The following TRPM2 variants were observed in gnomAD, a reference collection of about 807,000 sequenced individuals.
TRPM2 encodes transient receptor potential cation channel subfamily M member 2.
Under a neutral mutation model 174.0 loss-of-function variants are expected in TRPM2, and 161 were observed. That is an observed-to-expected ratio of 0.93 (90% CI 0.81 to 1.05). TRPM2 has a LOEUF of 1.05. TRPM2 is among the 50% of genes least tolerant of loss of function. TRPM2 has a pLI of 0.00. For missense variants in TRPM2, 2,057 were observed against 2,038.0 expected (o/e 1.01, Z -0.18); for synonymous variants, 954 against 861.3 (o/e 1.11, Z -1.88).
At chr21:44,425,329 A>AC in intron 24 of TRPM2, 1 of 403,160 alleles carries the variant, frequency 2.5e-6, no homozygotes, top group Admixed American at 4.1e-5. Context: ...TATGAAATGC[A>AC]CATCAGTAGC....
rs373892683 is a variant in TRPM2, at chr21:44,379,761, CA to C, written c.1215+565del. On this transcript the variant is annotated intron_variant, in intron 8 of 31. Coordinates refer to ENST00000397928, the MANE Select transcript of TRPM2 (RefSeq NM_003307.4). ...CTGGCCACCCCACCAAGCCCTTGACCAGGGGGGTGGGCTCCAGTGGAGAGCC... is the reference window on the plus strand; with the variant it reads ...CTGGCCACCCCACCAAGCCCTTGACCGGGGGGTGGGCTCCAGTGGAGAGCC... Among the ~76,000 whole-genome samples, 330 of 152,346 alleles carry C rather than the reference CA, an allele frequency of 2.2e-3. 1 individual carries two copies. Among genetic ancestry groups the C allele is most frequent in the African/African-American group, 7.8e-3 (324 of 41,576 alleles).
chr21:44,440,059 G>A (rs918737446), intron 30 of TRPM2, among the ~76,000 whole-genome samples: 4 of 151,318 alleles, frequency 2.6e-5, no homozygotes, highest in Admixed American at 6.6e-5. Context: ...TACACGGGCC[G>A]GGTGCGCTGG....
intron 2 of TRPM2, among the ~76,000 whole-genome samples, chr21:44,357,380 C>T (rs1488337960): frequency 6.6e-6 from 1 of 152,186 alleles, no homozygotes; most frequent in Non-Finnish European, 1.5e-5. Context: ...TGGAGGTCCC[C>T]AAAGCCATCC....
In TRPM2 at chr21:44,440,880, A is replaced by T. The variant is rs749837500; in HGVS notation, c.4361A>T (p.Asp1454Val). The change falls in exon 31 of 32, where the codon GAC (aspartate) becomes GTC (valine). Residue 1454 changes from aspartate to valine, a missense_variant. Transcript: ENST00000397928. ...AGCGTCCACTTCCAGGACCAGAATG[A>T]CGTGGAGCTGAACAGGCTGAACTCT... ...AVSVHFQDQN[D>V]VELNRLNSNL... 2.5e-6 allele frequency: 4 copies of T among 1,613,864 alleles called. No individual in the cohort carries two copies. Among genetic ancestry groups the T allele is most frequent in the African/African-American group, 1.3e-5 (1 of 75,052 alleles).
At chr21:44,381,190 C>G (rs60578912) in intron 8 of TRPM2, among the ~76,000 whole-genome samples, 5,862 of 151,896 alleles carry the variant, frequency 0.039, 336 homozygotes, top group African/African-American at 0.12. Context: ...GGCCAGGCTG[C>G]GGACGAGGAG....
Position 44,439,725 on chromosome 21 carries a change from T to A in TRPM2, c.4269+557T>A, listed in dbSNP as rs879425027. 2.4e-4 allele frequency among the ~76,000 whole-genome samples: 36 copies of A among 152,160 alleles called. No individual in the cohort carries two copies. Among genetic ancestry groups the A allele is most frequent in the Non-Finnish European group, 2.9e-4 (20 of 68,032 alleles). ...CACAAATGCATGCACACTTTTTTTT[T>A]AATTTTTATTTTTGGAAACAAGGTC... On this transcript the variant is annotated intron_variant, in intron 30 of 31. Coordinates refer to ENST00000397928, the MANE Select transcript of TRPM2 (RefSeq NM_003307.4). This position sits in a 1 kb window ranked among gnomAD's most constrained non-coding sequence, Gnocchi z 5.1.
intron 26 of TRPM2, 28 bp downstream of exon 26, chr21:44,426,764 C>T (rs1264908383): frequency 6.2e-7 from 1 of 1,612,062 alleles, no homozygotes; most frequent in Non-Finnish European, 8.5e-7. Context: ...TCCGTGCTCC[C>T]AGCTGGCCCC....
intron 22 of TRPM2, 130 bp downstream of exon 22, chr21:44,418,685 C>T (rs983875770): frequency 2.5e-6 from 3 of 1,198,234 alleles, no homozygotes; most frequent in Middle Eastern, 2.4e-4. Flanking sequence ...AGCGCTGTAT[C>T]CCGTGGCCCC....
At chr21:44,425,078 G>A in intron 24 of TRPM2, 139 bp downstream of exon 24, 1 of 777,752 alleles carries the variant, frequency 1.3e-6, no homozygotes. Flanking sequence ...TTCCAGGCAG[G>A]GCCAGCGCCC....
chr21:44,383,606 T>C (rs1177801116), intron 9 of TRPM2, among the ~76,000 whole-genome samples: 2 of 152,200 alleles, frequency 1.3e-5, no homozygotes, highest in Non-Finnish European at 2.9e-5. Context: ...AGACTACATA[T>C]TAGACCACAA....
In TRPM2 at chr21:44,425,779, C is replaced by T. The variant is rs2050744890; in HGVS notation, c.3747C>T (p.Asn1249=). The T allele has an allele frequency of 6.9e-6, 11 of 1,596,388 alleles. No individual in the cohort carries two copies. Among genetic ancestry groups the T allele is most frequent in the East Asian group, 4.5e-5 (2 of 44,366 alleles). ...HVNARHLLYP[N]CPVTRFPVPN... ...ATGCCCGGCACCTCCTCTACCCCAA[C>T]TGCCCTGTCACGCGCTTCCCCGTGC... Residue 1249 remains asparagine, a synonymous_variant, in exon 25 of 32, where the codon AAC becomes AAT. Coordinates refer to ENST00000397928, the MANE Select transcript of TRPM2 (RefSeq NM_003307.4).
chr21:44,379,938 C>G (rs1215332411), intron 8 of TRPM2, among the ~76,000 whole-genome samples: 1 of 152,182 alleles, frequency 6.6e-6, no homozygotes, highest in Non-Finnish European at 1.5e-5. Context: ...TCCTGCAGAC[C>G]CGGGACATCT....
intron 13 of TRPM2, among the ~76,000 whole-genome samples, chr21:44,398,518 G>A (rs187532914): frequency 8.1e-4 from 124 of 152,204 alleles, no homozygotes; most frequent in African/African-American, 2.9e-3. Flanking sequence ...GGTTTTTTAA[G>A]GATAATTTGG....
intron 27 of TRPM2, among the ~76,000 whole-genome samples, chr21:44,434,807 C>T (rs981746910): frequency 2.0e-5 from 3 of 152,098 alleles, no homozygotes; most frequent in Non-Finnish European, 4.4e-5. Context: ...AGTGCTGGCC[C>T]GAGCAGTCGG....
chr21:44,364,323 T>C, intron 3 of TRPM2, 41 bp downstream of exon 3: 2 of 1,603,116 alleles, frequency 1.2e-6, no homozygotes, highest in Non-Finnish European at 1.7e-6. Flanking sequence ...TAGGTGGAGC[T>C]GCATGGCCCC....
intron 27 of TRPM2, among the ~76,000 whole-genome samples, chr21:44,431,583 C>A (rs1414258187): frequency 6.6e-6 from 1 of 152,182 alleles, no homozygotes; most frequent in Admixed American, 6.5e-5. Context: ...TCAAGCAATT[C>A]TCCTACCTCA....
rs193036532 is a variant in TRPM2 at position 44,388,190 on chromosome 21, T to C, written c.1319-2714T>C. 4.7e-3 allele frequency among the ~76,000 whole-genome samples: 721 copies of C among 152,306 alleles called. 10 individuals are homozygous for C. The highest frequency in any genetic ancestry group is 0.017 in the African/African-American group (686 of 41,558). On this transcript the variant is annotated intron_variant, in intron 9 of 31. Transcript: ENST00000397928. ...GACAGAAGAATAGATAAGCAAAATG[T>C]GGTCTATACCTACAATGGAATATTA...
At chr21:44,427,982 G>A (rs952772393) in intron 27 of TRPM2, among the ~76,000 whole-genome samples, 3 of 152,108 alleles carry the variant, frequency 2.0e-5, no homozygotes, top group African/African-American at 7.2e-5. Flanking sequence ...AGCAGCAGGT[G>A]CCTGGCATGG....
At chr21:44,397,386 G>C (rs1344906932) in intron 12 of TRPM2, among the ~76,000 whole-genome samples, 1 of 152,190 alleles carries the variant, frequency 6.6e-6, no homozygotes, top group African/African-American at 2.4e-5. Context: ...AACTGGTTCT[G>C]TGGTTATGTC....
Sources: allele counts gnomAD v4.1 joint callset (sites outside exome capture counted in the v4.1 genomes callset), GRCh38; gene constraint gnomAD v4.1.1; non-coding constraint Gnocchi (gnomAD v3.1); transcripts MANE v1.5; gene names NCBI Gene and HGNC (gene_info 2026-07-23, HGNC 2026-07-21).